Variants in BFSP1 observed in about 807,000 individuals in gnomAD.
BFSP1 encodes beaded filament structural protein 1, also known as filensin.
A neutral mutation model predicts 43.9 loss-of-function variants in BFSP1; 38 were observed. The observed-to-expected ratio is 0.87, with a 90% CI of 0.67 to 1.14. The LOEUF is 1.14. Among genes scored for constraint, BFSP1 ranks in the 50% most tolerant of loss-of-function variants. The pLI is 0.00. For synonymous variants in BFSP1, 352 were observed against 354.8 expected, an observed-to-expected ratio of 0.99 and a Z score of 0.09; for missense variants, 850 against 875.1, an observed-to-expected ratio of 0.97 and a Z score of 0.36.
At chr20:17,509,916 CAG>C (rs1300122070) in intron 4 of BFSP1, among the ~76,000 whole-genome samples, 1 of 152,220 alleles carries the variant, frequency 6.6e-6, no homozygotes, top group Non-Finnish European at 1.5e-5. Context: ...CATTCTGACA[CAG>C]AGCACATTGA....
chr20:17,536,274 G>T (rs2034627546), upstream of BFSP1, among the ~76,000 whole-genome samples: 1 of 152,156 alleles, frequency 6.6e-6, no homozygotes, highest in African/African-American at 2.4e-5. Flanking sequence ...TTTAAGGCTG[G>T]GTGAAGTGGC....
At chr20:17,511,250 C>T (rs2034071261) in intron 4 of BFSP1, among the ~76,000 whole-genome samples, 1 of 152,166 alleles carries the variant, frequency 6.6e-6, no homozygotes, top group African/African-American at 2.4e-5. Flanking sequence ...AGTAATTTTT[C>T]ATATCCAAAT....
intron 2 of BFSP1, among the ~76,000 whole-genome samples, chr20:17,522,144 G>A (rs62202685): frequency 0.34 from 50,939 of 152,024 alleles, 8,678 homozygotes; most frequent in Middle Eastern, 0.39. Context: ...CTCTGGCTTC[G>A]TGTCTGGCCT....
At chr20:17,516,672 C>T (rs1439997260) in intron 2 of BFSP1, among the ~76,000 whole-genome samples, 1 of 152,148 alleles carries the variant, frequency 6.6e-6, no homozygotes, top group African/African-American at 2.4e-5. Flanking sequence ...CAACCCTCAC[C>T]CAACTCAAAC....
chr20:17,516,785 T>C, intron 2 of BFSP1: 1 of 475,522 alleles, frequency 2.1e-6, no homozygotes, highest in Non-Finnish European at 3.8e-6. Context: ...CTTAGGAATG[T>C]ATCTTAAAAC....
At chr20:17,548,049 A>G (rs1237133891) in intron 1 of BFSP1, among the ~76,000 whole-genome samples, 1 of 151,610 alleles carries the variant, frequency 6.6e-6, no homozygotes, top group Admixed American at 6.6e-5. Context: ...GCACCCAGCC[A>G]ATAGAGGCAT....
At chr20:17,534,210 G>A (rs1166769606), upstream of BFSP1, among the ~76,000 whole-genome samples, 4 of 152,212 alleles carry the variant, frequency 2.6e-5, no homozygotes, top group Non-Finnish European at 5.9e-5. Context: ...CACAGGACTT[G>A]ATGAAAGGTC....
chr20:17,532,404 C>CAA (rs531941557), upstream of BFSP1, among the ~76,000 whole-genome samples: 81 of 61,280 alleles, frequency 1.3e-3, no homozygotes, highest in African/African-American at 3.8e-3. Flanking sequence ...GACTCCGTCT[C>CAA]AAAAAAAAAA....
intron 1 of BFSP1, among the ~76,000 whole-genome samples, chr20:17,566,565 G>C (rs1483875437): frequency 6.6e-6 from 1 of 152,194 alleles, no homozygotes; most frequent in Non-Finnish European, 1.5e-5. Flanking sequence ...GTCACCAGCA[G>C]ATTCAGTGTC....
chr20:17,545,343 A>G (rs1277288243), intron 1 of BFSP1, among the ~76,000 whole-genome samples: 1 of 152,102 alleles, frequency 6.6e-6, no homozygotes, highest in Non-Finnish European at 1.5e-5. Context: ...GGGCCATCTG[A>G]TGGTCTGGCC....
intron 1 of BFSP1, among the ~76,000 whole-genome samples, chr20:17,549,672 C>T (rs1272701896): frequency 6.6e-6 from 1 of 151,932 alleles, no homozygotes; most frequent in Non-Finnish European, 1.5e-5. Flanking sequence ...CCCGTCTGTA[C>T]TAAAAATACA....
At chr20:17,497,459 T>TAC (rs34512937) in intron 6 of BFSP1, among the ~76,000 whole-genome samples, 61 of 144,926 alleles carry the variant, frequency 4.2e-4, no homozygotes, top group African/African-American at 1.3e-3. Flanking sequence ...TATATATATA[T>TAC]ACACACACAC....
chr20:17,494,670 C>G lies in BFSP1; in HGVS notation c.1402G>C (p.Glu468Gln), dbSNP rs780229198. ...TCCCCTGTGACCAGCACGTGCCGCT[C>G]TTTGGTGTAGAGCTCAGTGGGGGTC... ...PETPTELYTKERHVLVTGDAN... is the reference protein window; with the variant it reads ...PETPTELYTKQRHVLVTGDAN... The change falls in exon 8 of 8, where the codon GAG becomes CAG. Residue 468 changes from glutamate to glutamine, a missense_variant. Physicochemically the swap from Glu to Gln is conservative, Grantham distance 29. Transcript: ENST00000377873. 7 of 1,614,068 alleles carry G rather than the reference C, an allele frequency of 4.3e-6. No individual in the cohort carries two copies. The Admixed American group carries it at 8.3e-5, about 19-fold the overall frequency.
chr20:17,517,430 C>T (rs2034223377), intron 2 of BFSP1: 4 of 655,052 alleles, frequency 6.1e-6, no homozygotes, highest in Non-Finnish European at 1.1e-5. Context: ...ACTACAGGTG[C>T]ACACCACCAC....
intron 1 of BFSP1, among the ~76,000 whole-genome samples, chr20:17,540,644 C>A (rs2034700195): frequency 6.6e-6 from 1 of 152,140 alleles, no homozygotes; most frequent in South Asian, 2.1e-4. Flanking sequence ...CAGGTGCCCA[C>A]CCTCCATCCT....
rs1298236416 is a variant in BFSP1 at position 17,508,893 on chromosome 20, G to A, written c.731C>T (p.Ala244Val). The A allele has an allele frequency of 6.3e-7, 1 of 1,590,670 alleles. No individual in the cohort carries two copies. Among genetic ancestry groups the A allele is most frequent in the Admixed American group, 1.8e-5 (1 of 56,178 alleles). Residue 244 changes from alanine (A) to valine (V), a missense_variant, in exon 5 of 8, where the codon GCA becomes GTA. By Grantham distance (64) the Ala-to-Val change is moderately conservative. Coordinates refer to ENST00000377873, the MANE Select transcript of BFSP1 (RefSeq NM_001195.5). ...ACGCGGCAGACTCGAGCGTACCTGTGCCTGCAGCTCCACTCTCTGCGCCTG... is the reference window on the plus strand; with the variant it reads ...ACGCGGCAGACTCGAGCGTACCTGTACCTGCAGCTCCACTCTCTGCGCCTG... ...HLQAQRVELQAQTTTLEQAIK... is the reference protein window; with the variant it reads ...HLQAQRVELQVQTTTLEQAIK...
upstream of BFSP1, among the ~76,000 whole-genome samples, chr20:17,536,054 AGGTAAGAGTTAGCACACCT>A (rs1351739755): frequency 6.6e-6 from 1 of 152,178 alleles, no homozygotes; most frequent in Non-Finnish European, 1.5e-5. Flanking sequence ...CTGGGATCAC[AGGTAAGAGTTAGCACACCT>A]GGCCCCACCA....
intron 2 of BFSP1, among the ~76,000 whole-genome samples, chr20:17,517,644 A>AT (rs1416740079): frequency 6.6e-6 from 1 of 152,222 alleles, no homozygotes; most frequent in African/African-American, 2.4e-5. Context: ...GGTGAAATTA[A>AT]TTTTAATAAT....
rs2033580727 is a variant in BFSP1, at chr20:17,494,567, T to A, written c.1505A>T (p.Asp502Val). 1 of 1,614,006 alleles carries A rather than the reference T, an allele frequency of 6.2e-7. No individual in the cohort carries two copies. The highest frequency in any genetic ancestry group is 8.5e-7 in the Non-Finnish European group (1 of 1,180,000). Reference protein sequence around the residue: ...KGGVAVSVAEDSVLYDGQVEP... With the variant: ...KGGVAVSVAEVSVLYDGQVEP... ...CACCTGGCCGTCATAAAGCACAGAGTCTTCCGCAACAGAAACAGCCACCCC... is the reference window on the plus strand; with the variant it reads ...CACCTGGCCGTCATAAAGCACAGAGACTTCCGCAACAGAAACAGCCACCCC... The change falls in exon 8 of 8, where the codon GAC becomes GTC. Residue 502 changes from aspartate (D) to valine (V), a missense_variant. Transcript: ENST00000377873.
Sources: allele counts gnomAD v4.1 joint callset (sites outside exome capture counted in the v4.1 genomes callset), GRCh38; gene constraint gnomAD v4.1.1; transcripts MANE v1.5; gene names NCBI Gene and HGNC (gene_info 2026-07-23, HGNC 2026-07-21).